The following TAF1 variants were observed in gnomAD, a reference collection of about 807,000 sequenced individuals.
TAF1 encodes TATA-box binding protein associated factor 1, also known as transcription initiation factor TFIID subunit 1.
In TAF1, 2 loss-of-function variants were observed where a neutral mutation model predicts 138.5. The observed-to-expected ratio is 0.01, with a 90% CI of 0.01 to 0.05. TAF1 has a LOEUF of 0.05. Among genes scored for constraint, TAF1 ranks in the 10% least tolerant of loss-of-function variants. The pLI, the probability that TAF1 is intolerant of heterozygous loss-of-function variation, is 1.00. For missense variants in TAF1, 709 were observed against 1,478.0 expected (o/e 0.48, Z 8.53); for synonymous variants, 437 against 503.2 (o/e 0.87, Z 1.76).
chrX:71,490,047 C>T (rs1187305083), intron 13 of TAF1, among the ~76,000 whole-genome samples: 1 of 111,194 alleles, frequency 9.0e-6, no homozygotes, highest in Non-Finnish European at 1.9e-5. Context: ...TTCCCTCCTC[C>T]TCCACCCCCT....
intron 32 of TAF1, among the ~76,000 whole-genome samples, chrX:71,443,874 A>G (rs919535421): frequency 2.3e-4 from 26 of 111,120 alleles, no homozygotes; most frequent in African/African-American, 8.5e-4. Flanking sequence ...ATGCCCGGCT[A>G]ATTTTTTTGT....
intron 28 of TAF1, among the ~76,000 whole-genome samples, chrX:71,410,457 T>C (rs1331321087): frequency 2.2e-5 from 2 of 92,360 alleles, no homozygotes; most frequent in Admixed American, 2.3e-4. Context: ...CTTTTTTCTT[T>C]TTTTTTTTTT....
chrX:71,518,692 C>CTTTTTTTTTTTTTTTTT (rs41486346), intron 13 of TAF1, among the ~76,000 whole-genome samples: 1 of 79,199 alleles, frequency 1.3e-5, no homozygotes, highest in African/African-American at 4.8e-5. Context: ...TCTTTTCTTT[C>CTTTTTTTTTTTTTTTTT]TTTTTTTTTT....
At chrX:71,399,615 A>T in intron 24 of TAF1, among the ~76,000 whole-genome samples, 1 of 84,543 alleles carries the variant, frequency 1.2e-5, no homozygotes, top group Non-Finnish European at 2.2e-5. Context: ...TCTGTTACCC[A>T]GGCTGGAGTG....
intron 28 of TAF1, chrX:71,419,989 A>C (rs1602612460): frequency 3.8e-6 from 1 of 261,406 alleles, no homozygotes; most frequent in Non-Finnish European, 6.9e-6. Flanking sequence ...CATCAAGGTC[A>C]TCTTCTGTTT....
chrX:71,395,420 G>A (rs1020896262), intron 22 of TAF1, among the ~76,000 whole-genome samples: 1 of 110,910 alleles, frequency 9.0e-6, no homozygotes, highest in Non-Finnish European at 1.9e-5. Context: ...TGGGAGGATC[G>A]CTTGAGCCTG....
intron 32 of TAF1, among the ~76,000 whole-genome samples, chrX:71,451,889 C>T (rs1326918236): frequency 8.9e-6 from 1 of 112,637 alleles, no homozygotes. Flanking sequence ...ACTACACAGA[C>T]ACAGCAACCA....
At chrX:71,446,951 G>A (rs1425257957) in intron 32 of TAF1, among the ~76,000 whole-genome samples, 1 of 111,873 alleles carries the variant, frequency 8.9e-6, no homozygotes, top group African/African-American at 3.2e-5. Context: ...TGAAAGATTA[G>A]ATTCACTTCT....
intron 13 of TAF1, among the ~76,000 whole-genome samples, chrX:71,513,671 C>G (rs1387157470): frequency 9.0e-6 from 1 of 111,409 alleles, no homozygotes; most frequent in African/African-American, 3.3e-5. Flanking sequence ...GACTTGAAGC[C>G]AGGAGTTCGA....
intron 3 of TAF1, among the ~76,000 whole-genome samples, chrX:71,373,223 A>G (rs1432869985): frequency 1.0e-5 from 1 of 98,443 alleles, no homozygotes; most frequent in Admixed American, 1.2e-4. Context: ...GCTGGAGTGC[A>G]GTGGCGCAAT....
chrX:71,501,199 C>T (rs778678747), intron 13 of TAF1, among the ~76,000 whole-genome samples: 1 of 110,938 alleles, frequency 9.0e-6, no homozygotes, highest in South Asian at 3.8e-4. Context: ...GGAAGGATAT[C>T]ATTTCTGAGG....
intron 32 of TAF1, among the ~76,000 whole-genome samples, chrX:71,433,991 C>T: frequency 8.9e-6 from 1 of 111,864 alleles, no homozygotes; most frequent in East Asian, 2.8e-4. Context: ...TACTATCAGG[C>T]GATATACACG....
intron 28 of TAF1, among the ~76,000 whole-genome samples, chrX:71,419,725 A>G (rs2036228167): frequency 9.0e-6 from 1 of 111,209 alleles, no homozygotes; most frequent in Non-Finnish European, 1.9e-5. Context: ...TGGCTAAAAA[A>G]TAAAAAAACC....
chrX:71,410,411 TAAAAG>T (rs1487919578), intron 28 of TAF1, among the ~76,000 whole-genome samples: 5 of 103,492 alleles, frequency 4.8e-5, no homozygotes, highest in Admixed American at 3.2e-4. Flanking sequence ...AAAAAAAAAA[TAAAAG>T]AGGAAGATGA....
chrX:71,447,522 G>A (rs759613837), intron 32 of TAF1, among the ~76,000 whole-genome samples: 90 of 110,377 alleles, frequency 8.2e-4, no homozygotes, highest in Non-Finnish European at 1.4e-3. Context: ...GGCCAACATC[G>A]TGAAACTCTG....
At chrX:71,507,380 C>T (rs182484439) in intron 13 of TAF1, among the ~76,000 whole-genome samples, 122 of 108,998 alleles carry the variant, frequency 1.1e-3, no homozygotes, top group African/African-American at 3.9e-3. Flanking sequence ...ACAGGTGTAC[C>T]CCACCATACC....
rs762779046 is a variant in TAF1 at position 71,398,950 on chromosome X, CT to C, written c.3786+221del. Among the ~76,000 whole-genome samples, 378 of 111,145 alleles carry C rather than the reference CT, an allele frequency of 3.4e-3. 2 individuals carry two copies. The highest frequency in any genetic ancestry group is 0.012 in the African/African-American group (369 of 30,645). ...AATCTGGTGCTATTGTTCTCTCTCT[CT>C]TTTTTTTAGACAGGGTCTGGCTCTG... On this transcript the variant is annotated intron_variant, in intron 24 of 37. Coordinates refer to ENST00000423759, the MANE Select transcript of TAF1 (RefSeq NM_004606.5).
chrX:71,367,711 C>G, intron 2 of TAF1, 98 bp downstream of exon 2: 2 of 1,001,218 alleles, frequency 2.0e-6, no homozygotes, highest in Admixed American at 6.0e-5. Flanking sequence ...CGCTCTGTCT[C>G]CGAGGTTGGA....
chrX:71,504,502 A>G (rs894763914), intron 13 of TAF1, among the ~76,000 whole-genome samples: 1 of 109,637 alleles, frequency 9.1e-6, no homozygotes, highest in Non-Finnish European at 1.9e-5. Flanking sequence ...GTCAGGAGCC[A>G]TGTGCCATGG....
Sources: allele counts gnomAD v4.1 joint callset (sites outside exome capture counted in the v4.1 genomes callset), GRCh38; gene constraint gnomAD v4.1.1; transcripts MANE v1.5; gene names NCBI Gene and HGNC (gene_info 2026-07-23, HGNC 2026-07-21).